OLFM2: variants seen among roughly 807,000 people sequenced by gnomAD.
OLFM2 encodes noelin-2.
Under a neutral mutation model 43.9 loss-of-function variants are expected in OLFM2, and 20 were observed. The ratio of observed to expected loss-of-function variants is 0.46; its 90% CI spans 0.32 to 0.66. The LOEUF (loss-of-function observed/expected upper bound fraction) is 0.66, where lower values mean the gene tolerates loss of function less well. Ranked by LOEUF, OLFM2 falls within the 30% of genes least tolerant of loss-of-function variation. OLFM2 has a pLI of 0.04. For missense variants in OLFM2, 416 were observed against 643.6 expected (o/e 0.65, Z 3.83); for synonymous variants, 268 against 278.6 (o/e 0.96, Z 0.38).
At chr19:9,923,609 G>A (rs2086433825) in intron 1 of OLFM2, among the ~76,000 whole-genome samples, 1 of 134,754 alleles carries the variant, frequency 7.4e-6, no homozygotes. Context: ...AGAAAGGAAA[G>A]AAGGAAAGAG....
rs575304220 is a variant in OLFM2, at chr19:9,899,643, C to T, written c.63+36661G>A. Among the ~76,000 whole-genome samples, 10 of 152,240 alleles carry T rather than the reference C, an allele frequency of 6.6e-5. No homozygotes were observed. In the South Asian group the frequency reaches 1.5e-3, roughly 22 times the overall value. ...CCATGGCTCACTGCAGCCTCGACCTCTGGGCCCCAGTGATCCTCCCATTTC... is the reference window on the plus strand; with the variant it reads ...CCATGGCTCACTGCAGCCTCGACCTTTGGGCCCCAGTGATCCTCCCATTTC... On this transcript the variant is annotated intron_variant, in intron 1 of 5. Coordinates refer to ENST00000264833, the MANE Select transcript of OLFM2 (RefSeq NM_058164.4).
intron 1 of OLFM2, among the ~76,000 whole-genome samples, chr19:9,899,230 A>C (rs1599488211): frequency 6.6e-6 from 1 of 151,532 alleles, no homozygotes; most frequent in Non-Finnish European, 1.5e-5. Flanking sequence ...GCACCACTGC[A>C]CTCCAGCCTG....
intron 1 of OLFM2, among the ~76,000 whole-genome samples, chr19:9,921,134 A>G (rs1347731012): frequency 6.6e-6 from 1 of 152,128 alleles, no homozygotes; most frequent in Admixed American, 6.6e-5. Context: ...TGTTGTTTTG[A>G]GACAGGGTTT....
chr19:9,865,485 CTTT>C (rs71188847), intron 1 of OLFM2, among the ~76,000 whole-genome samples: 2 of 73,652 alleles, frequency 2.7e-5, no homozygotes, highest in African/African-American at 1.1e-4. Flanking sequence ...TCTGTTTTTT[CTTT>C]TTTTTTTTTT....
At chr19:9,910,986 A>C (rs2046822908) in intron 1 of OLFM2, among the ~76,000 whole-genome samples, 1 of 152,126 alleles carries the variant, frequency 6.6e-6, no homozygotes, top group Non-Finnish European at 1.5e-5. Context: ...ATGGATAGCA[A>C]GACAGATGGA....
chr19:9,936,198 CT>C, intron 1 of OLFM2, 105 bp downstream of exon 1: 1 of 1,267,878 alleles, frequency 7.9e-7, no homozygotes, highest in Non-Finnish European at 1.1e-6. Context: ...CGCCCTGCAG[CT>C]GGGGGGGCTT....
chr19:9,904,772 C>T lies in OLFM2; in HGVS notation c.63+31532G>A, dbSNP rs143658349. Among the ~76,000 whole-genome samples, 160 of 152,150 alleles carry T rather than the reference C, an allele frequency of 1.1e-3. 2 individuals carry two copies. The highest frequency in any genetic ancestry group is 3.8e-3 in the African/African-American group (159 of 41,510). ...TGGTGGCTCATGCCTGTAATCCCAACACTCCGGGAGGCCAAGGTGGGAGGA... is the reference window on the plus strand; with the variant it reads ...TGGTGGCTCATGCCTGTAATCCCAATACTCCGGGAGGCCAAGGTGGGAGGA... On this transcript the variant is annotated intron_variant, in intron 1 of 5. Coordinates refer to ENST00000264833, the MANE Select transcript of OLFM2 (RefSeq NM_058164.4).
At chr19:9,876,101 T>C (rs560413336) in intron 1 of OLFM2, among the ~76,000 whole-genome samples, 18 of 152,182 alleles carry the variant, frequency 1.2e-4, no homozygotes, top group Middle Eastern at 3.4e-3. Flanking sequence ...TTGCCTGAAG[T>C]TTTTCAGACG....
At position 9,856,826 on chromosome 19, in the gene OLFM2, G is replaced by A. The variant is rs764348330; in HGVS notation, c.668C>T (p.Ala223Val). 9.9e-6 allele frequency: 16 copies of A among 1,613,506 alleles called. No individual in the cohort carries two copies. The highest frequency in any genetic ancestry group is 1.4e-5 in the Non-Finnish European group (16 of 1,179,810). Residue 223 changes from alanine (A) to valine (V), a missense_variant, in exon 5 of 6, where the codon GCC (alanine) becomes GTC (valine). Transcript: ENST00000264833. The surrounding 1 kb of genome is among the most constrained non-coding windows in gnomAD (Gnocchi z 4.0). ...ACTCACCCGGCTATCCGCACTGGGGGCCATCGTGTCAGTCATCCAGGAGCC... is the reference window on the plus strand; with the variant it reads ...ACTCACCCGGCTATCCGCACTGGGGACCATCGTGTCAGTCATCCAGGAGCC... ...RFGSWMTDTM[A>V]PSADSRVWYM...
At chr19:9,881,738 T>G (rs969959608) in intron 1 of OLFM2, among the ~76,000 whole-genome samples, 16 of 151,726 alleles carry the variant, frequency 1.1e-4, no homozygotes, top group Non-Finnish European at 1.5e-4. Context: ...TGTCAAGTGA[T>G]CCTCCCACCT....
intron 1 of OLFM2, among the ~76,000 whole-genome samples, chr19:9,921,399 A>C (rs2054917681): frequency 6.6e-6 from 1 of 152,202 alleles, no homozygotes; most frequent in African/African-American, 2.4e-5. Flanking sequence ...GAAGACAGGC[A>C]TGAGCCACTG....
In OLFM2 at chr19:9,904,954, G is replaced by A. The variant is rs900520333; in HGVS notation, c.63+31350C>T. On this transcript the variant is annotated intron_variant, in intron 1 of 5. Coordinates refer to ENST00000264833, the MANE Select transcript of OLFM2 (RefSeq NM_058164.4). ...GGATCACTTGAACACAGGACGTCGA[G>A]GCTGCAGTGAGCTATGATCATGCCA... is the stretch of plus-strand genomic sequence containing the variant. Among the ~76,000 whole-genome samples the A allele has an allele frequency of 5.9e-5, 9 of 152,172 alleles. 1 individual carries two copies. The South Asian group carries it at 1.0e-3, about 18-fold the overall frequency.
intron 1 of OLFM2, among the ~76,000 whole-genome samples, chr19:9,894,403 T>A (rs2046664066): frequency 1.1e-5 from 1 of 92,464 alleles, no homozygotes; most frequent in Non-Finnish European, 2.4e-5. Flanking sequence ...ATAATAATAA[T>A]AATAATAATA....
Position 9,860,738 on chromosome 19 carries a change from A to G in OLFM2, c.120T>C (p.Pro40=). 1.2e-6 allele frequency: 2 copies of G among 1,609,630 alleles called. No individual in the cohort carries two copies. The highest frequency in any genetic ancestry group is 2.2e-5 in the South Asian group (2 of 90,138). Residue 40 remains proline, a synonymous_variant, in exon 2 of 6, where the codon CCT becomes CCC. Transcript: ENST00000264833. ...GWQLYTSAQA[P]DGKCICTAVI... is the part of the protein sequence containing the mutation. ...CGGCCGTGCAGATGCATTTCCCGTCAGGGGCCTGGGCTGAGGTGTACAGCT... is the reference window on the plus strand; with the variant it reads ...CGGCCGTGCAGATGCATTTCCCGTCGGGGGCCTGGGCTGAGGTGTACAGCT...
intron 1 of OLFM2, among the ~76,000 whole-genome samples, chr19:9,888,512 A>C (rs1201582738): frequency 1.0e-5 from 1 of 96,706 alleles, no homozygotes; most frequent in Admixed American, 1.3e-4. Flanking sequence ...CGACAGTGAG[A>C]CCTTACCTCA....
chr19:9,887,815 TTGAGCC>T (rs2046601300), intron 1 of OLFM2, among the ~76,000 whole-genome samples: 5 of 152,102 alleles, frequency 3.3e-5, no homozygotes, highest in Non-Finnish European at 7.4e-5. Context: ...AGAGGATCAC[TTGAGCC>T]CAGGAGTTTG....
chr19:9,896,091 A>ATTTTTTTTT (rs71188854), intron 1 of OLFM2, among the ~76,000 whole-genome samples: 3 of 95,782 alleles, frequency 3.1e-5, no homozygotes, highest in African/African-American at 4.0e-5. Context: ...CTTTATTTTA[A>ATTTTTTTTT]TTTTTTTTTT....
intron 1 of OLFM2, among the ~76,000 whole-genome samples, chr19:9,908,843 CT>C (rs2144988142): frequency 6.6e-6 from 1 of 152,038 alleles, no homozygotes; most frequent in South Asian, 2.1e-4. Flanking sequence ...TCCCAAAGTG[CT>C]GGGATTACAG....
At chr19:9,907,625 C>T (rs2046795607) in intron 1 of OLFM2, among the ~76,000 whole-genome samples, 1 of 152,034 alleles carries the variant, frequency 6.6e-6, no homozygotes, top group African/African-American at 2.4e-5. Flanking sequence ...CCGTCAGGGT[C>T]CTATGGTGAG....
Sources: allele counts gnomAD v4.1 joint callset (sites outside exome capture counted in the v4.1 genomes callset), GRCh38; gene constraint gnomAD v4.1.1; non-coding constraint Gnocchi (gnomAD v3.1); transcripts MANE v1.5; gene names NCBI Gene and HGNC (gene_info 2026-07-23, HGNC 2026-07-21).